DGKB: variants seen among roughly 807,000 people sequenced by gnomAD.
DGKB encodes 90 kDa diacylglycerol kinase.
Under a neutral mutation model 114.3 loss-of-function variants are expected in DGKB, and 67 were observed. The observed-to-expected ratio is 0.59, with a 90% CI of 0.48 to 0.72. The LOEUF (loss-of-function observed/expected upper bound fraction) is 0.72. Ranked by LOEUF, DGKB falls within the 30% of genes least tolerant of loss-of-function variation. The pLI, the probability that DGKB is intolerant of heterozygous loss-of-function variation, is 0.00. For missense variants in DGKB, 907 were observed against 975.2 expected (o/e 0.93, Z 0.93); for synonymous variants, 398 against 323.1 (o/e 1.23, Z -2.49).
intron 20 of DGKB, among the ~76,000 whole-genome samples, chr7:14,559,002 T>C (rs1029464789): frequency 6.6e-6 from 1 of 152,284 alleles, no homozygotes; most frequent in Middle Eastern, 3.4e-3. Flanking sequence ...CACCTGCATG[T>C]CCCTATTTTC....
At chr7:14,217,695 T>C (rs193224069) in intron 23 of DGKB, among the ~76,000 whole-genome samples, 7 of 152,070 alleles carry the variant, frequency 4.6e-5, no homozygotes, top group Admixed American at 3.9e-4. Flanking sequence ...TACGTCCACA[T>C]ATAGACCTGT....
At chr7:14,602,824 G>A (rs1469223746) in intron 17 of DGKB, among the ~76,000 whole-genome samples, 7 of 152,162 alleles carry the variant, frequency 4.6e-5, no homozygotes, top group African/African-American at 1.2e-4. Context: ...ACACAAATAC[G>A]AAACGGTCAT....
intron 20 of DGKB, among the ~76,000 whole-genome samples, chr7:14,511,058 G>T (rs1280605662): frequency 6.6e-6 from 1 of 152,084 alleles, no homozygotes; most frequent in Admixed American, 6.5e-5. Flanking sequence ...ATTATTAAGG[G>T]TCCTAGGATC....
At chr7:14,188,608 C>A (rs1783822342) in intron 23 of DGKB, among the ~76,000 whole-genome samples, 1 of 112,032 alleles carries the variant, frequency 8.9e-6, no homozygotes, top group African/African-American at 3.3e-5. Context: ...TGCAGTGAGC[C>A]TAGATCCCGC....
chr7:14,877,335 C>T (rs1853450918), intron 1 of DGKB, among the ~76,000 whole-genome samples: 1 of 152,150 alleles, frequency 6.6e-6, no homozygotes, highest in African/African-American at 2.4e-5. Context: ...GCTGGCGGAT[C>T]ACCTGAGGTC....
At chr7:14,772,916 GACT>G (rs1837626259) in intron 2 of DGKB, among the ~76,000 whole-genome samples, 1 of 151,864 alleles carries the variant, frequency 6.6e-6, no homozygotes, top group Admixed American at 6.6e-5. Context: ...CAGCAGCACT[GACT>G]ACATCTTCCA....
chr7:14,602,450 T>C (rs1803722617), intron 17 of DGKB, among the ~76,000 whole-genome samples: 1 of 152,178 alleles, frequency 6.6e-6, no homozygotes, highest in Admixed American at 6.5e-5. Flanking sequence ...TGCTTAAAAT[T>C]AGTGCCCAAA....
intron 6 of DGKB, among the ~76,000 whole-genome samples, chr7:14,704,156 C>T (rs1369341707): frequency 4.0e-5 from 6 of 151,816 alleles, no homozygotes. Flanking sequence ...TGTTTGCCGG[C>T]CGGGCGCGGT....
chr7:14,467,101 G>A (rs1354166112), intron 21 of DGKB, among the ~76,000 whole-genome samples: 1 of 151,460 alleles, frequency 6.6e-6, no homozygotes, highest in Non-Finnish European at 1.5e-5. Flanking sequence ...CCATATTTAT[G>A]CTTAATGAGT....
intron 13 of DGKB, among the ~76,000 whole-genome samples, chr7:14,643,860 T>A (rs575543605): frequency 1.5e-4 from 23 of 152,272 alleles, no homozygotes; most frequent in African/African-American, 5.5e-4. Context: ...TCCTCAGGAA[T>A]TGCTACCACT....
intron 20 of DGKB, among the ~76,000 whole-genome samples, chr7:14,567,968 G>A (rs1393915955): frequency 6.6e-6 from 1 of 152,036 alleles, no homozygotes; most frequent in Non-Finnish European, 1.5e-5. Context: ...TAAGTGCTTA[G>A]TTTTTTTGTT....
At chr7:14,589,165 A>T (rs1300121413) in intron 17 of DGKB, among the ~76,000 whole-genome samples, 1 of 152,010 alleles carries the variant, frequency 6.6e-6, no homozygotes, top group Admixed American at 6.6e-5. Context: ...TTAAACATTT[A>T]AAAATTATGT....
At position 14,493,711 on chromosome 7, in the gene DGKB, T is replaced by C. The variant is rs554376824; in HGVS notation, c.1771-15486A>G. On this transcript the variant is annotated intron_variant, in intron 20 of 25. Coordinates refer to ENST00000402815, the MANE Select transcript of DGKB (RefSeq NM_001350709.2). ...ATTTCATCATGCTACTAGAACAGTG[T>C]GCAATTTAAAACATATAAATTGTTT... 4.1e-4 allele frequency among the ~76,000 whole-genome samples: 63 copies of C among 152,120 alleles called. No individual in the cohort carries two copies. In the South Asian group the frequency reaches 0.013, roughly 32 times the overall value.
chr7:14,293,765 T>C (rs1308249746), intron 23 of DGKB, among the ~76,000 whole-genome samples: 1 of 152,142 alleles, frequency 6.6e-6, no homozygotes, highest in Non-Finnish European at 1.5e-5. Flanking sequence ...TTAAAAACTC[T>C]CCAGTTTGAA....
intron 6 of DGKB, among the ~76,000 whole-genome samples, chr7:14,714,442 G>C (rs1254230942): frequency 6.6e-6 from 1 of 151,970 alleles, no homozygotes; most frequent in Admixed American, 6.6e-5. Flanking sequence ...CCAAGTTAAG[G>C]GTTTCAATTT....
intron 1 of DGKB, among the ~76,000 whole-genome samples, chr7:14,895,865 C>A (rs1291958464): frequency 6.6e-6 from 1 of 151,692 alleles, no homozygotes; most frequent in Non-Finnish European, 1.5e-5. Flanking sequence ...GCCCTTATTT[C>A]TTTTCATTAA....
chr7:14,746,071 G>C (rs931253895), intron 4 of DGKB, among the ~76,000 whole-genome samples: 1 of 152,132 alleles, frequency 6.6e-6, no homozygotes, highest in Non-Finnish European at 1.5e-5. Context: ...TTCAGGCTGG[G>C]CATGCTAGCT....
At chr7:14,827,927 G>C (rs1489361460) in intron 2 of DGKB, among the ~76,000 whole-genome samples, 1 of 151,872 alleles carries the variant, frequency 6.6e-6, no homozygotes, top group Non-Finnish European at 1.5e-5. Flanking sequence ...ACTCCGAAAT[G>C]AATGTGAAAT....
At chr7:14,721,796 A>G (rs528829865) in intron 5 of DGKB, among the ~76,000 whole-genome samples, 29 of 152,292 alleles carry the variant, frequency 1.9e-4, no homozygotes, top group African/African-American at 6.7e-4. Context: ...ATAAAATGTC[A>G]AAGACCTTTT....
Sources: allele counts gnomAD v4.1 joint callset (sites outside exome capture counted in the v4.1 genomes callset), GRCh38; gene constraint gnomAD v4.1.1; transcripts MANE v1.5; gene names NCBI Gene and HGNC (gene_info 2026-07-23, HGNC 2026-07-21).